The following MAN1C1 variants were observed in gnomAD, a reference collection of about 807,000 sequenced individuals.
MAN1C1 encodes the protein mannosyl-oligosaccharide 1,2-alpha-mannosidase IC.
Under a neutral mutation model 71.5 loss-of-function variants are expected in MAN1C1, and 49 were observed. That is an observed-to-expected ratio of 0.69 (90% CI 0.54 to 0.87). MAN1C1 has a LOEUF of 0.87. Ranked by LOEUF, MAN1C1 falls within the 40% of genes least tolerant of loss-of-function variation. The pLI is 0.00. For synonymous variants in MAN1C1, 352 were observed against 343.7 expected, an observed-to-expected ratio of 1.02 and a Z score of -0.27; for missense variants, 743 against 835.0, an observed-to-expected ratio of 0.89 and a Z score of 1.36.
intron 1 of MAN1C1, among the ~76,000 whole-genome samples, chr1:25,650,708 C>T (rs530590568): frequency 1.3e-5 from 2 of 152,268 alleles, no homozygotes; most frequent in East Asian, 3.9e-4. Context: ...TTTTAGACAC[C>T]GATAAATCTA....
At chr1:25,667,164 T>A (rs1337035089) in intron 1 of MAN1C1, among the ~76,000 whole-genome samples, 2 of 152,078 alleles carry the variant, frequency 1.3e-5, no homozygotes, top group East Asian at 3.9e-4. Context: ...TGAAGGCCTG[T>A]GTGAGCTTTA....
At position 25,671,033 on chromosome 1, in the gene MAN1C1, T is replaced by C. The variant is rs557229239; in HGVS notation, c.541-15407T>C. On this transcript the variant is annotated intron_variant, in intron 1 of 11. Coordinates refer to ENST00000374332, the MANE Select transcript of MAN1C1 (RefSeq NM_020379.4). ...CTGGGACCACAGGTGCGTGCCACCATGCCCAGTTAATTTTTTTGTATTTTC... is the reference window on the plus strand; with the variant it reads ...CTGGGACCACAGGTGCGTGCCACCACGCCCAGTTAATTTTTTTGTATTTTC... 2.6e-5 allele frequency among the ~76,000 whole-genome samples: 4 copies of C among 152,276 alleles called. No individual in the cohort carries two copies. The East Asian group carries it at 7.7e-4, about 29-fold the overall frequency.
intron 10 of MAN1C1, among the ~76,000 whole-genome samples, chr1:25,781,980 G>C (rs1316786597): frequency 6.6e-6 from 1 of 152,196 alleles, no homozygotes; most frequent in Non-Finnish European, 1.5e-5. Flanking sequence ...CTGCTTGAGG[G>C]GCTGAGGCAA....
At chr1:25,780,035 A>G (rs1386431439) in intron 9 of MAN1C1, among the ~76,000 whole-genome samples, 1 of 151,972 alleles carries the variant, frequency 6.6e-6, no homozygotes, top group Non-Finnish European at 1.5e-5. Flanking sequence ...TAGGAGAGGC[A>G]TCAGACACAT....
At chr1:25,762,372 C>T (rs991347287) in intron 6 of MAN1C1, among the ~76,000 whole-genome samples, 3 of 152,060 alleles carry the variant, frequency 2.0e-5, no homozygotes, top group Admixed American at 1.3e-4. Flanking sequence ...ATCTGCCCAA[C>T]TCAGCCTCCC....
At chr1:25,716,323 GTC>G (rs1243494623) in intron 2 of MAN1C1, among the ~76,000 whole-genome samples, 2 of 152,130 alleles carry the variant, frequency 1.3e-5, no homozygotes, top group African/African-American at 4.8e-5. Flanking sequence ...TCTTCTGTGT[GTC>G]TCTCAAATTT....
intron 7 of MAN1C1, among the ~76,000 whole-genome samples, chr1:25,766,203 A>T (rs1034852369): frequency 5.9e-5 from 9 of 152,108 alleles, no homozygotes; most frequent in Non-Finnish European, 1.0e-4. Context: ...CATATGGGAA[A>T]TTGTTTCCTA....
At chr1:25,712,060 C>T (rs960547748) in intron 2 of MAN1C1, among the ~76,000 whole-genome samples, 2 of 152,168 alleles carry the variant, frequency 1.3e-5, no homozygotes, top group Non-Finnish European at 2.9e-5. Flanking sequence ...AGCAGGGCCA[C>T]CTACTTATTT....
At chr1:25,739,358 T>C (rs1432756396) in intron 2 of MAN1C1, among the ~76,000 whole-genome samples, 2 of 152,098 alleles carry the variant, frequency 1.3e-5, no homozygotes, top group Non-Finnish European at 2.9e-5. Flanking sequence ...GAGAAAAACG[T>C]GTGTGTTGTT....
chr1:25,760,369 T>A (rs774530215), intron 6 of MAN1C1: 1 of 152,220 alleles, frequency 6.6e-6, no homozygotes, highest in Non-Finnish European at 1.5e-5. Flanking sequence ...CCAGACCAGA[T>A]TGATAGAGCA....
intron 2 of MAN1C1, among the ~76,000 whole-genome samples, chr1:25,734,351 A>T (rs930647678): frequency 1.3e-5 from 2 of 151,518 alleles, no homozygotes; most frequent in Non-Finnish European, 2.9e-5. Flanking sequence ...CTGGTCTCGA[A>T]CTCCTGGCCT....
Position 25,718,011 on chromosome 1 carries a change from C to T in MAN1C1, c.638-28657C>T, listed in dbSNP as rs993169498. 6.6e-5 allele frequency among the ~76,000 whole-genome samples: 10 copies of T among 152,132 alleles called. No individual in the cohort carries two copies. In the East Asian group the frequency reaches 1.9e-3, roughly 30 times the overall value. The stretch of plus-strand genomic sequence containing the variant: ...CTATAGCTTTATTTACACACACACA[C>T]ACACACACACACACATAGCCATTCC... On this transcript the variant is annotated intron_variant, in intron 2 of 11. Coordinates refer to ENST00000374332, the MANE Select transcript of MAN1C1 (RefSeq NM_020379.4).
chr1:25,746,722 A>T lies in MAN1C1; in HGVS notation c.692A>T (p.Glu231Val). The change falls in exon 3 of 12, where the codon GAG (glutamate) becomes GTG (valine). Residue 231 changes from glutamate to valine, a missense_variant. Transcript: ENST00000374332. The surrounding 1 kb of genome is among the most constrained non-coding windows in gnomAD (Gnocchi z 4.0). ...TCCCTCGATACCCTCTACCTCATGG[A>T]GCTGAAGGAGGAGTTCCAGGAGGCC... ...IDSLDTLYLM[E>V]LKEEFQEAKA... 1 of 1,592,762 alleles carries T rather than the reference A, an allele frequency of 6.3e-7. No homozygotes were observed. The highest frequency in any genetic ancestry group is 1.4e-5 in the African/African-American group (1 of 73,130).
Position 25,757,603 on chromosome 1 carries a change from T to C in MAN1C1, c.930-989T>C, listed in dbSNP as rs574673565. ...AAGGAGGAGGCATGAACCTAGGAGA[T>C]GGAGGCTTCGCCTTCACTGTGTCTT... On this transcript the variant is annotated intron_variant, in intron 5 of 11. Transcript: ENST00000374332. Among the ~76,000 whole-genome samples the C allele has an allele frequency of 3.9e-5, 6 of 152,230 alleles. No individual in the cohort carries two copies. In the East Asian group the frequency reaches 1.2e-3, roughly 29 times the overall value.
At chr1:25,641,075 G>A (rs2045530568) in intron 1 of MAN1C1, among the ~76,000 whole-genome samples, 1 of 152,204 alleles carries the variant, frequency 6.6e-6, no homozygotes, top group Non-Finnish European at 1.5e-5. Flanking sequence ...ATAGCCTGTA[G>A]TCTTTTAAAT....
intron 6 of MAN1C1, 169 bp downstream of exon 6, chr1:25,758,878 C>T (rs760689592): frequency 4.7e-6 from 3 of 632,808 alleles, no homozygotes; most frequent in Non-Finnish European, 8.5e-6. Flanking sequence ...ACCTATACCC[C>T]AACGCCAGGT....
chr1:25,678,602 C>G (rs146876736), intron 1 of MAN1C1, among the ~76,000 whole-genome samples: 3 of 152,206 alleles, frequency 2.0e-5, no homozygotes, highest in African/African-American at 7.2e-5. Context: ...AAACTCTGGT[C>G]TAAGGAAATT....
intron 2 of MAN1C1, among the ~76,000 whole-genome samples, chr1:25,704,618 G>A (rs748232617): frequency 6.6e-6 from 1 of 152,220 alleles, no homozygotes; most frequent in Non-Finnish European, 1.5e-5. Context: ...CTTTAACACA[G>A]CTGACAAAGT....
At chr1:25,635,031 T>C (rs2045436173) in intron 1 of MAN1C1, among the ~76,000 whole-genome samples, 1 of 152,188 alleles carries the variant, frequency 6.6e-6, no homozygotes, top group East Asian at 1.9e-4. Context: ...TCAATGTCCC[T>C]TTGTTTTCTT....
Sources: allele counts gnomAD v4.1 joint callset (sites outside exome capture counted in the v4.1 genomes callset), GRCh38; gene constraint gnomAD v4.1.1; non-coding constraint Gnocchi (gnomAD v3.1); transcripts MANE v1.5; gene names NCBI Gene and HGNC (gene_info 2026-07-23, HGNC 2026-07-21).